DNAAF11: variants seen among roughly 807,000 people sequenced by gnomAD.
The protein encoded by DNAAF11 is leucine rich repeat containing 6.
Under a neutral mutation model 60.8 loss-of-function variants are expected in DNAAF11, and 45 were observed. The observed-to-expected ratio is 0.74, with a 90% CI of 0.58 to 0.95. The LOEUF (loss-of-function observed/expected upper bound fraction) is 0.95, where lower values mean the gene tolerates loss of function less well. DNAAF11 is among the 40% of genes least tolerant of loss of function. DNAAF11 has a pLI of 0.00. For synonymous variants in DNAAF11, 191 were observed against 183.5 expected, an observed-to-expected ratio of 1.04 and a Z score of -0.33; for missense variants, 546 against 546.2, an observed-to-expected ratio of 1.00 and a Z score of 0.00.
the DNAAF11 span, among the ~76,000 whole-genome samples, chr8:132,698,144 A>G: frequency 6.6e-6 from 1 of 152,156 alleles, no homozygotes; most frequent in South Asian, 2.1e-4. Flanking sequence ...TGGGAACTAT[A>G]ATTCCTATCA....
chr8:132,623,958 A>T (rs1381689029), intron 6 of DNAAF11, among the ~76,000 whole-genome samples: 1 of 152,180 alleles, frequency 6.6e-6, no homozygotes, highest in Non-Finnish European at 1.5e-5. Flanking sequence ...GACTCACTGG[A>T]TTGGGAAATC....
intron 11 of DNAAF11, among the ~76,000 whole-genome samples, chr8:132,574,019 G>T (rs1044908996): frequency 6.6e-6 from 1 of 152,182 alleles, no homozygotes; most frequent in African/African-American, 2.4e-5. Flanking sequence ...AGATGTGAAG[G>T]AATGTGGGTG....
At chr8:132,664,994 G>T (rs1252767670) in intron 1 of DNAAF11, among the ~76,000 whole-genome samples, 1 of 152,068 alleles carries the variant, frequency 6.6e-6, no homozygotes, top group East Asian at 1.9e-4. Flanking sequence ...AAGGAAAGAA[G>T]GGACACAACA....
the DNAAF11 span, among the ~76,000 whole-genome samples, chr8:132,685,604 A>AT: frequency 6.6e-6 from 1 of 152,204 alleles, no homozygotes; most frequent in Non-Finnish European, 1.5e-5. Flanking sequence ...TCTGTCACAC[A>AT]GCTCTGTTAG....
At chr8:132,643,203 TG>T (rs1457746535) in intron 3 of DNAAF11, among the ~76,000 whole-genome samples, 1 of 152,230 alleles carries the variant, frequency 6.6e-6, no homozygotes, top group African/African-American at 2.4e-5. Flanking sequence ...ACCCAGGGTT[TG>T]GGGACCCCTG....
At chr8:132,617,270 T>G (rs1819262009) in intron 7 of DNAAF11, among the ~76,000 whole-genome samples, 1 of 152,048 alleles carries the variant, frequency 6.6e-6, no homozygotes, top group African/African-American at 2.4e-5. Flanking sequence ...GGAAGACAGC[T>G]GAGGAGTTTG....
the DNAAF11 span, among the ~76,000 whole-genome samples, chr8:132,681,034 G>C: frequency 1.7e-4 from 1 of 6,004 alleles, no homozygotes; most frequent in African/African-American, 8.2e-4. Context: ...TTTTGAGACA[G>C]AATTTCACTC....
At chr8:132,574,221 T>C (rs1185497963) in intron 11 of DNAAF11, among the ~76,000 whole-genome samples, 8 of 152,358 alleles carry the variant, frequency 5.3e-5, no homozygotes, top group Admixed American at 3.9e-4. Flanking sequence ...GGTGGCTGAC[T>C]GTGCAGAAAA....
chr8:132,602,262 CAT>C (rs1817705633), intron 10 of DNAAF11, among the ~76,000 whole-genome samples: 1 of 152,104 alleles, frequency 6.6e-6, no homozygotes, highest in Admixed American at 6.6e-5. Flanking sequence ...TGCCTCCTAA[CAT>C]AATCAGCATC....
chr8:132,633,429 T>C (rs76269581), intron 4 of DNAAF11, among the ~76,000 whole-genome samples: 2,232 of 152,288 alleles, frequency 0.015, 67 homozygotes, highest in African/African-American at 0.05. Flanking sequence ...TGTTACAGCA[T>C]TGTTTACATC....
upstream of DNAAF11, chr8:132,675,583 C>T (rs994034357): frequency 2.2e-6 from 3 of 1,356,932 alleles, no homozygotes; most frequent in Middle Eastern, 1.9e-4. Context: ...AGCGCGTCCC[C>T]GTCGGAATTC....
chr8:132,640,990 T>C (rs926419257), intron 3 of DNAAF11, among the ~76,000 whole-genome samples: 6 of 152,130 alleles, frequency 3.9e-5, no homozygotes, highest in Non-Finnish European at 7.4e-5. Flanking sequence ...AGTGGTAACA[T>C]TGTTCATTGA....
chr8:132,602,506 C>T (rs796451882), intron 10 of DNAAF11, among the ~76,000 whole-genome samples: 5 of 152,226 alleles, frequency 3.3e-5, no homozygotes, highest in African/African-American at 1.2e-4. Flanking sequence ...AACTACTCTA[C>T]TGCAATCCCT....
At chr8:132,664,235 G>A (rs1024642181) in intron 1 of DNAAF11, among the ~76,000 whole-genome samples, 4 of 152,150 alleles carry the variant, frequency 2.6e-5, no homozygotes, top group East Asian at 3.8e-4. Context: ...TGGTTAAGTC[G>A]AATGTGTTCA....
upstream of DNAAF11, among the ~76,000 whole-genome samples, chr8:132,677,090 G>A (rs1333113940): frequency 2.0e-5 from 3 of 152,180 alleles, no homozygotes; most frequent in Non-Finnish European, 4.4e-5. Context: ...GACAATATGG[G>A]TAAACATCTG....
At position 132,652,405 on chromosome 8, in the gene DNAAF11, A is replaced by G. The variant is rs555759542; in HGVS notation, c.256+4425T>C. ...GATAGAAGCCTGCAAAATAAAACAG[A>G]AACCTCAGATGAAGAAGATAATTCA... is the stretch of plus-strand genomic sequence containing the variant. On this transcript the variant is annotated intron_variant, in intron 3 of 11. Transcript: ENST00000620350. Among the ~76,000 whole-genome samples the G allele has an allele frequency of 5.9e-5, 9 of 152,272 alleles. 1 individual carries two copies. The South Asian group carries it at 1.7e-3, about 28-fold the overall frequency.
At chr8:132,635,504 C>T (rs1177973600) in intron 4 of DNAAF11, among the ~76,000 whole-genome samples, 1 of 152,158 alleles carries the variant, frequency 6.6e-6, no homozygotes, top group African/African-American at 2.4e-5. Flanking sequence ...GCAGGGCCCA[C>T]CTACTTCTGG....
At chr8:132,636,065 T>C (rs1352944751) in intron 4 of DNAAF11, among the ~76,000 whole-genome samples, 1 of 151,762 alleles carries the variant, frequency 6.6e-6, no homozygotes, top group African/African-American at 2.4e-5. Context: ...GTCTAAGCCA[T>C]CTAGTTTGCA....
At chr8:132,665,632 C>T (rs112476616) in intron 1 of DNAAF11, among the ~76,000 whole-genome samples, 4,109 of 152,296 alleles carry the variant, frequency 0.027, 82 homozygotes, top group Non-Finnish European at 0.039. Flanking sequence ...AAAGGGAACA[C>T]TTATACTCTG....
Sources: gnomAD v4.1 joint callset for allele counts (sites outside exome capture counted in the v4.1 genomes callset) on GRCh38, gnomAD v4.1.1 for gene constraint, MANE v1.5 for transcripts, NCBI Gene and HGNC (gene_info 2026-07-23, HGNC 2026-07-21) for gene names.